ZBTB20: variants seen among roughly 807,000 people sequenced by gnomAD.
The protein encoded by ZBTB20 is zinc finger and BTB domain containing 20.
In ZBTB20, 9 loss-of-function variants were observed where a neutral mutation model predicts 56.9. The ratio of observed to expected loss-of-function variants is 0.16; its 90% CI spans 0.10 to 0.28. The LOEUF (loss-of-function observed/expected upper bound fraction) is 0.28. Among genes scored for constraint, ZBTB20 ranks in the 10% least tolerant of loss-of-function variants. The probability of loss-of-function intolerance (pLI) is 1.00; values close to 1 mark genes in which losing one functional copy is unlikely to be tolerated. For synonymous variants in ZBTB20, 417 were observed against 420.7 expected, an observed-to-expected ratio of 0.99 and a Z score of 0.11; for missense variants, 655 against 1,003.0, an observed-to-expected ratio of 0.65 and a Z score of 4.69.
chr3:114,497,832 C>A (rs2043459478), intron 7 of ZBTB20, among the ~76,000 whole-genome samples: 1 of 152,142 alleles, frequency 6.6e-6, no homozygotes, highest in African/African-American at 2.4e-5. Context: ...AAGAGCTGTA[C>A]ATGATAATTA....
chr3:114,458,230 T>A (rs775826248), intron 7 of ZBTB20, among the ~76,000 whole-genome samples: 4 of 152,190 alleles, frequency 2.6e-5, no homozygotes, highest in African/African-American at 7.2e-5. Flanking sequence ...TTACATCGTG[T>A]CTCTTTAATT....
chr3:114,502,801 CCTCT>C (rs1022777179), intron 6 of ZBTB20: 53 of 140,386 alleles, frequency 3.8e-4, no homozygotes, highest in African/African-American at 1.3e-3. Flanking sequence ...TTCTTACATT[CCTCT>C]CTCTCTATTT....
At chr3:114,787,909 C>CA (rs1435515057) in intron 5 of ZBTB20, among the ~76,000 whole-genome samples, 5 of 152,092 alleles carry the variant, frequency 3.3e-5, no homozygotes, top group Non-Finnish European at 5.9e-5. Context: ...GAATGTCTAA[C>CA]ATAGCTACAA....
At chr3:114,783,873 G>C (rs2070299561) in intron 5 of ZBTB20, among the ~76,000 whole-genome samples, 1 of 151,690 alleles carries the variant, frequency 6.6e-6, no homozygotes, top group Non-Finnish European at 1.5e-5. Flanking sequence ...AGTTTTGTGA[G>C]ATTAGATCTA....
At chr3:114,540,824 G>A (rs1004289610) in intron 6 of ZBTB20, among the ~76,000 whole-genome samples, 3 of 151,844 alleles carry the variant, frequency 2.0e-5, no homozygotes, top group African/African-American at 7.3e-5. Flanking sequence ...CATGGTACAG[G>A]GTTAAATTTA....
At chr3:114,693,188 T>A (rs1159462228) in intron 6 of ZBTB20, among the ~76,000 whole-genome samples, 3 of 152,128 alleles carry the variant, frequency 2.0e-5, no homozygotes, top group African/African-American at 7.2e-5. Context: ...TGGAAATATA[T>A]CTCTCTGGAG....
intron 2 of ZBTB20, among the ~76,000 whole-genome samples, chr3:115,030,641 A>C: frequency 6.6e-6 from 1 of 151,202 alleles, no homozygotes; most frequent in East Asian, 1.9e-4. Flanking sequence ...GTCTGAAAGA[A>C]AAAAAAGACT....
At chr3:115,004,065 C>G (rs1370839396) in intron 2 of ZBTB20, among the ~76,000 whole-genome samples, 4 of 151,622 alleles carry the variant, frequency 2.6e-5, no homozygotes, top group Non-Finnish European at 5.9e-5. Context: ...AGCTCTGATA[C>G]TTTTCAAACC....
intron 6 of ZBTB20, among the ~76,000 whole-genome samples, chr3:114,583,146 T>C (rs1160525448): frequency 1.3e-5 from 2 of 152,220 alleles, no homozygotes; most frequent in East Asian, 1.9e-4. Flanking sequence ...CAATGCTGCA[T>C]TTCAAGTCAA....
intron 2 of ZBTB20, among the ~76,000 whole-genome samples, chr3:115,014,551 A>G (rs900621918): frequency 6.6e-5 from 10 of 151,530 alleles, no homozygotes; most frequent in African/African-American, 2.4e-4. Flanking sequence ...ATATATACCT[A>G]CTAAGTATCC....
At chr3:114,761,794 A>AC (rs1227589266) in intron 5 of ZBTB20, among the ~76,000 whole-genome samples, 3 of 151,624 alleles carry the variant, frequency 2.0e-5, no homozygotes, top group Non-Finnish European at 4.4e-5. Context: ...AGATCATGCC[A>AC]CTGCACTCTG....
At chr3:114,676,755 G>A (rs1161956132) in intron 6 of ZBTB20, among the ~76,000 whole-genome samples, 2 of 147,764 alleles carry the variant, frequency 1.4e-5, no homozygotes, top group Middle Eastern at 3.7e-3. Context: ...CTCCCTCTAA[G>A]CCTCTGAACT....
intron 7 of ZBTB20, among the ~76,000 whole-genome samples, chr3:114,420,937 GT>G (rs2089103251): frequency 6.6e-6 from 1 of 152,094 alleles, no homozygotes; most frequent in African/African-American, 2.4e-5. Context: ...TAGAGAACCA[GT>G]TTTATGAAAG....
intron 7 of ZBTB20, chr3:114,445,549 T>C (rs2091218283): frequency 6.6e-6 from 1 of 152,226 alleles, no homozygotes; most frequent in Non-Finnish European, 1.5e-5. Flanking sequence ...CAATTTGTTG[T>C]TATTTTAAGT....
intron 4 of ZBTB20, among the ~76,000 whole-genome samples, chr3:114,844,552 A>AAAAAAAAT (rs1560313408): frequency 2.1e-5 from 3 of 140,832 alleles, no homozygotes; most frequent in Non-Finnish European, 3.0e-5. Context: ...AAAAAAAAAA[A>AAAAAAAAT]CTTTCATTTC....
At chr3:114,812,729 GGGC>G (rs2072632960) in intron 4 of ZBTB20, among the ~76,000 whole-genome samples, 3 of 152,346 alleles carry the variant, frequency 2.0e-5, no homozygotes, top group African/African-American at 7.2e-5. Flanking sequence ...CGATGGGACT[GGGC>G]GCCGTGGAGC....
intron 10 of ZBTB20, among the ~76,000 whole-genome samples, chr3:114,354,072 C>A (rs2080963420): frequency 6.6e-6 from 1 of 152,226 alleles, no homozygotes; most frequent in African/African-American, 2.4e-5. Context: ...ACTTCTATAC[C>A]TATCCGTGAT....
intron 6 of ZBTB20, among the ~76,000 whole-genome samples, chr3:114,681,443 G>A (rs2061969168): frequency 6.6e-6 from 1 of 152,184 alleles, no homozygotes. Context: ...TTACAGGCGT[G>A]AGCCACCACG....
intron 6 of ZBTB20, among the ~76,000 whole-genome samples, chr3:114,622,271 T>C (rs1447428784): frequency 1.3e-5 from 2 of 152,162 alleles, no homozygotes; most frequent in African/African-American, 2.4e-5. Context: ...TTACATTTTT[T>C]ATAACGTATT....
Sources: gnomAD v4.1 joint callset for allele counts (sites outside exome capture counted in the v4.1 genomes callset) on GRCh38, gnomAD v4.1.1 for gene constraint, MANE v1.5 for transcripts, NCBI Gene and HGNC (gene_info 2026-07-23, HGNC 2026-07-21) for gene names.